The following SLC12A1 variants were observed in gnomAD, a reference collection of about 807,000 sequenced individuals.
SLC12A1 encodes Na-K-2Cl cotransporter.
A neutral mutation model predicts 130.4 loss-of-function variants in SLC12A1; 89 were observed. That is an observed-to-expected ratio of 0.68 (90% CI 0.58 to 0.81). The LOEUF (loss-of-function observed/expected upper bound fraction) is 0.81, where lower values mean the gene tolerates loss of function less well. Among genes scored for constraint, SLC12A1 ranks in the 40% least tolerant of loss-of-function variants. The pLI is 0.00. For synonymous variants in SLC12A1, 499 were observed against 460.0 expected, an observed-to-expected ratio of 1.08 and a Z score of -1.09; for missense variants, 1,310 against 1,336.4, an observed-to-expected ratio of 0.98 and a Z score of 0.31.
At chr15:48,267,315 TGTCA>T (rs751167110) in intron 17 of SLC12A1, among the ~76,000 whole-genome samples, 2 of 152,202 alleles carry the variant, frequency 1.3e-5, no homozygotes, top group Non-Finnish European at 2.9e-5. Flanking sequence ...TTTCATTCAG[TGTCA>T]GGCAGTAAAT....
intron 18 of SLC12A1, among the ~76,000 whole-genome samples, chr15:48,268,627 C>A (rs373763283): frequency 6.6e-6 from 1 of 152,108 alleles, no homozygotes; most frequent in Admixed American, 6.6e-5. Flanking sequence ...AGAACACTTG[C>A]GAAGTAGATG....
intron 20 of SLC12A1, among the ~76,000 whole-genome samples, chr15:48,282,123 A>C (rs1485043805): frequency 1.3e-5 from 2 of 152,206 alleles, no homozygotes; most frequent in Admixed American, 1.3e-4. Flanking sequence ...TGCGAAAATC[A>C]CTATGCAAAT....
intron 20 of SLC12A1, among the ~76,000 whole-genome samples, chr15:48,277,870 T>C (rs1394745236): frequency 6.6e-6 from 1 of 152,308 alleles, no homozygotes; most frequent in Middle Eastern, 3.4e-3. Context: ...AGATCAAGTG[T>C]TTGTATAAGA....
chr15:48,257,770 G>A (rs2041724380), intron 16 of SLC12A1, among the ~76,000 whole-genome samples: 1 of 152,206 alleles, frequency 6.6e-6, no homozygotes, highest in Admixed American at 6.5e-5. Context: ...TGTGATGAGA[G>A]AGGCTGCTGT....
intron 4 of SLC12A1, 186 bp from the exon 5 acceptor site, chr15:48,226,290 T>C (rs2041284838): frequency 1.9e-6 from 1 of 519,922 alleles, no homozygotes; most frequent in Admixed American, 4.2e-5. Context: ...TCCTTCATCA[T>C]AATGAGCAGT....
rs1399628196 is a variant in SLC12A1 at position 48,302,782 on chromosome 15, C to T, written c.3197C>T (p.Ser1066Leu). ...CCCGTGGCAAGAAAGGGATCCATAT[C>T]GGATTTGTTGTATATGGCTTGGTTG... ...SLPVARKGSI[S>L]DLLYMAWLEI... Residue 1066 changes from serine (S) to leucine (L), a missense_variant, in exon 27 of 27, where the codon TCG becomes TTG. Coordinates refer to ENST00000380993, the MANE Select transcript of SLC12A1 (RefSeq NM_000338.3). 1.2e-6 allele frequency: 2 copies of T among 1,611,882 alleles called. No homozygotes were observed. The highest frequency in any genetic ancestry group is 1.3e-5 in the African/African-American group (1 of 74,852).
At chr15:48,242,050 T>C (rs2041522409) in intron 10 of SLC12A1, among the ~76,000 whole-genome samples, 1 of 152,218 alleles carries the variant, frequency 6.6e-6, no homozygotes, top group Non-Finnish European at 1.5e-5. Flanking sequence ...ATCCTTGTAC[T>C]GCTATCCTTA....
At chr15:48,274,297 T>C (rs1051239253) in intron 19 of SLC12A1, among the ~76,000 whole-genome samples, 1 of 152,234 alleles carries the variant, frequency 6.6e-6, no homozygotes, top group Non-Finnish European at 1.5e-5. Context: ...TTTTAAAAGA[T>C]GCAACAAGCT....
At chr15:48,224,645 A>C (rs1435716565) in intron 4 of SLC12A1, 1 of 152,180 alleles carries the variant, frequency 6.6e-6, no homozygotes, top group Admixed American at 6.5e-5. Flanking sequence ...TAAGCATCCA[A>C]AATTGTCTCT....
intron 19 of SLC12A1, among the ~76,000 whole-genome samples, chr15:48,272,484 T>C (rs1006372502): frequency 1.3e-5 from 2 of 152,182 alleles, no homozygotes; most frequent in African/African-American, 4.8e-5. Context: ...TGAAGTGCAG[T>C]GGCACAATCT....
intron 22 of SLC12A1, 86 bp downstream of exon 22, chr15:48,288,260 C>G: frequency 7.5e-7 from 1 of 1,327,500 alleles, no homozygotes; most frequent in South Asian, 1.3e-5. Flanking sequence ...GGGAACAATA[C>G]TGGTTAAAGA....
rs1269306303 is a variant in SLC12A1 at position 48,255,840 on chromosome 15, C to A, written c.1972C>A (p.Leu658Ile). The A allele has an allele frequency of 2.5e-6, 4 of 1,608,386 alleles. No individual in the cohort carries two copies. The highest frequency in any genetic ancestry group is 3.4e-6 in the Non-Finnish European group (4 of 1,177,326). The change falls in exon 16 of 27, where the codon CTT (leucine) becomes ATT (isoleucine). Residue 658 changes from leucine (L) to isoleucine (I), a missense_variant. Leu to Ile is a conservative substitution (Grantham distance 5). Transcript: ENST00000380993. ...DVNWGSSTQA[L>I]SYVSALDNAL... ...GAACTGGGGCTCCTCCACACAGGCT[C>A]TTTCCTACGTGAGTGCTTTAGACAA...
rs2141111146 is a variant in SLC12A1 at position 48,285,247 on chromosome 15, A to T, written c.2627A>T (p.Lys876Ile). ...KLNITKTTPKKDGSINTSQSM... is the reference protein window; with the variant it reads ...KLNITKTTPKIDGSINTSQSM... ...AACATTACTAAGACAACGCCTAAAA[A>T]AGGTAAGAACTTTTTAAAATTTGCA... Residue 876 changes from lysine to isoleucine, a missense_variant and splice_region_variant, in exon 21 of 27, where the codon AAA becomes ATA. Transcript: ENST00000380993. 6.2e-7 allele frequency: 1 copy of T among 1,613,578 alleles called. No homozygotes were observed.
chr15:48,292,155 C>G (rs914863680), intron 24 of SLC12A1, among the ~76,000 whole-genome samples: 1 of 152,164 alleles, frequency 6.6e-6, no homozygotes, highest in Non-Finnish European at 1.5e-5. Context: ...AAGAGCAGCA[C>G]GAAGTGCAAG....
chr15:48,292,311 C>T (rs1481354250), intron 24 of SLC12A1, among the ~76,000 whole-genome samples: 1 of 152,036 alleles, frequency 6.6e-6, no homozygotes, highest in East Asian at 1.9e-4. Flanking sequence ...CTCTAAAGGG[C>T]CACTTTAGCT....
At position 48,303,156 on chromosome 15, in the gene SLC12A1, G is replaced by T. The variant is rs1215119045; in HGVS notation, c.*271G>T. ...AAGAAAATCAAGGAAACTCATGTTG[G>T]CTTATGCTCATGAAAACCACCAATG... is the stretch of plus-strand genomic sequence containing the variant. On this transcript the variant is annotated 3_prime_UTR_variant, in exon 27 of 27. Coordinates refer to ENST00000380993, the MANE Select transcript of SLC12A1 (RefSeq NM_000338.3). 7.4e-6 allele frequency: 2 copies of T among 271,016 alleles called. No individual in the cohort carries two copies. The highest frequency in any genetic ancestry group is 6.9e-6 in the Non-Finnish European group (1 of 145,566). 16.8% of individuals were successfully genotyped at this position (271,016 alleles called of 1,614,324 possible). A position where few individuals can be genotyped will look rare whatever the true frequency, so the allele number is the denominator to read the frequency against.
At chr15:48,259,531 A>C (rs772001037) in intron 17 of SLC12A1, among the ~76,000 whole-genome samples, 21 of 152,232 alleles carry the variant, frequency 1.4e-4, no homozygotes, top group Non-Finnish European at 2.4e-4. Flanking sequence ...TAAGAGACCA[A>C]CTAAAAGTGA....
chr15:48,210,685 T>C (rs2041041601), intron 2 of SLC12A1, among the ~76,000 whole-genome samples: 1 of 117,200 alleles, frequency 8.5e-6, no homozygotes, highest in Admixed American at 1.0e-4. Flanking sequence ...TGAAATCTCT[T>C]CTCTACTTAA....
intron 23 of SLC12A1, among the ~76,000 whole-genome samples, chr15:48,290,680 T>G (rs2042109447): frequency 6.6e-6 from 1 of 152,120 alleles, no homozygotes; most frequent in Non-Finnish European, 1.5e-5. Context: ...CAGAATGTTT[T>G]TATGTGGTGT....
Sources: gnomAD v4.1 joint callset for allele counts (sites outside exome capture counted in the v4.1 genomes callset) on GRCh38, gnomAD v4.1.1 for gene constraint, MANE v1.5 for transcripts, NCBI Gene and HGNC (gene_info 2026-07-23, HGNC 2026-07-21) for gene names.